GLI3: variants seen among roughly 807,000 people sequenced by gnomAD.
The protein encoded by GLI3 is GLI family zinc finger 3.
GLI3 carries 20 observed loss-of-function variants against 100.8 expected under a neutral mutation model. The ratio of observed to expected loss-of-function variants is 0.20; its 90% CI spans 0.14 to 0.29. GLI3 has a LOEUF of 0.29. Ranked by LOEUF, GLI3 falls within the 10% of genes least tolerant of loss-of-function variation. The pLI is 1.00. For missense variants in GLI3, 2,040 were observed against 2,128.5 expected (o/e 0.96, Z 0.82); for synonymous variants, 938 against 860.5 (o/e 1.09, Z -1.58).
chr7:42,098,273 C>T (rs1166725154), intron 3 of GLI3, among the ~76,000 whole-genome samples: 3 of 152,094 alleles, frequency 2.0e-5, no homozygotes, highest in Non-Finnish European at 4.4e-5. Flanking sequence ...TTGTTTTTAT[C>T]CCCATCTCTC....
chr7:42,045,689 A>G (rs1003046696), intron 5 of GLI3, among the ~76,000 whole-genome samples, 159 bp from the exon 6 acceptor site: 3 of 152,224 alleles, frequency 2.0e-5, no homozygotes, highest in African/African-American at 7.2e-5. Context: ...TCTTACTTCC[A>G]TGAAACATCT....
chr7:42,041,775 A>T (rs1188849314), intron 6 of GLI3, among the ~76,000 whole-genome samples: 2 of 152,234 alleles, frequency 1.3e-5, no homozygotes, highest in African/African-American at 4.8e-5. Flanking sequence ...GGGATAGATA[A>T]ATATGAATGA....
chr7:42,144,355 G>A (rs553799143), intron 3 of GLI3, among the ~76,000 whole-genome samples: 39 of 152,206 alleles, frequency 2.6e-4, no homozygotes, highest in Admixed American at 3.3e-4. Flanking sequence ...TCCTGTAGCT[G>A]AAAGCCTGTC....
At chr7:42,201,874 G>C (rs1471541397) in intron 2 of GLI3, among the ~76,000 whole-genome samples, 1 of 152,094 alleles carries the variant, frequency 6.6e-6, no homozygotes, top group East Asian at 1.9e-4. Flanking sequence ...ACAAGGTCAG[G>C]AGATCAAGAC....
intron 2 of GLI3, among the ~76,000 whole-genome samples, chr7:42,162,783 A>T (rs1787156238): frequency 6.6e-6 from 1 of 152,104 alleles, no homozygotes; most frequent in African/African-American, 2.4e-5. Context: ...GCAGAATATT[A>T]GCAACCACTG....
chr7:42,200,815 A>T (rs959611173), intron 2 of GLI3, among the ~76,000 whole-genome samples: 32 of 151,808 alleles, frequency 2.1e-4, no homozygotes, highest in Non-Finnish European at 3.5e-4. Flanking sequence ...GAAAAAAAAA[A>T]TAGGCATTTA....
chr7:42,259,238 G>A (rs1486996438), intron 1 of GLI3, among the ~76,000 whole-genome samples: 1 of 152,128 alleles, frequency 6.6e-6, no homozygotes, highest in African/African-American at 2.4e-5. Flanking sequence ...CCATTTTTGT[G>A]TCTGTGAAGT....
intron 9 of GLI3, among the ~76,000 whole-genome samples, chr7:42,023,974 C>A (rs1477249200): frequency 6.6e-6 from 1 of 152,022 alleles, no homozygotes; most frequent in East Asian, 1.9e-4. Flanking sequence ...GAGAATAAAT[C>A]AAATCAGGTC....
At chr7:42,009,480 C>CTTTTT (rs3030324) in intron 10 of GLI3, among the ~76,000 whole-genome samples, 22 of 118,376 alleles carry the variant, frequency 1.9e-4, no homozygotes, top group South Asian at 2.8e-4. Context: ...GCAAATTGTT[C>CTTTTT]TTTTTTTTTT....
chr7:42,255,529 A>G (rs1179757001), intron 1 of GLI3, among the ~76,000 whole-genome samples: 6 of 152,148 alleles, frequency 3.9e-5, no homozygotes, highest in African/African-American at 1.4e-4. Context: ...TTTCTATCCA[A>G]GTTTGCCTTT....
At chr7:42,170,151 C>G (rs1357108622) in intron 2 of GLI3, among the ~76,000 whole-genome samples, 1 of 150,110 alleles carries the variant, frequency 6.7e-6, no homozygotes, top group Non-Finnish European at 1.5e-5. Flanking sequence ...ACTCAGGAGG[C>G]TGAGGCACGA....
chr7:42,018,820 C>A (rs1280411702), intron 10 of GLI3, among the ~76,000 whole-genome samples: 2 of 152,130 alleles, frequency 1.3e-5, no homozygotes, highest in African/African-American at 4.8e-5. Flanking sequence ...CAATGCTTCA[C>A]GGAGACAAAT....
chr7:42,196,514 C>T (rs1306601555), intron 2 of GLI3, among the ~76,000 whole-genome samples: 1 of 152,176 alleles, frequency 6.6e-6, no homozygotes, highest in African/African-American at 2.4e-5. Context: ...AAATATATTA[C>T]ACAAAAGCAT....
intron 2 of GLI3, among the ~76,000 whole-genome samples, chr7:42,192,187 CTG>C (rs1186719012): frequency 6.6e-6 from 1 of 152,028 alleles, no homozygotes; most frequent in Non-Finnish European, 1.5e-5. Context: ...TTTGTTGATG[CTG>C]TGTTTTGCTT....
At chr7:42,059,246 CT>C (rs1252434369) in intron 4 of GLI3, among the ~76,000 whole-genome samples, 1 of 151,894 alleles carries the variant, frequency 6.6e-6, no homozygotes, top group Admixed American at 6.6e-5. Flanking sequence ...TTTTAGCAGA[CT>C]TTTTTGTCCT....
chr7:42,083,117 T>G (rs777829580), intron 3 of GLI3, among the ~76,000 whole-genome samples: 37 of 152,236 alleles, frequency 2.4e-4, no homozygotes, highest in Non-Finnish European at 5.4e-4. Flanking sequence ...CACCATGCTG[T>G]GCTAACAAAC....
chr7:42,023,604 T>A lies in GLI3; in HGVS notation c.1361A>T (p.Gln454Leu), dbSNP rs765020464. The change falls in exon 10 of 15, where the codon CAG (glutamine) becomes CTG (leucine). Residue 454 changes from glutamine (Q) to leucine (L), a missense_variant. Physicochemically the swap from Gln to Leu is moderately radical, Grantham distance 113. Transcript: ENST00000395925. ...CTTGACAAGGGTTGTTCCTTCGGGC[T>A]GTTCCTGAAAGAAGAGGGTGGGGGG... ...PSPGARGQQE[Q>L]PEGTTLVKEE... The A allele has an allele frequency of 2.5e-6, 4 of 1,610,844 alleles. No homozygotes were observed. The highest frequency in any genetic ancestry group is 3.4e-6 in the Non-Finnish European group (4 of 1,178,696).
intron 10 of GLI3, among the ~76,000 whole-genome samples, chr7:41,981,386 C>G (rs1423826544): frequency 6.6e-6 from 1 of 152,212 alleles, no homozygotes; most frequent in Non-Finnish European, 1.5e-5. Flanking sequence ...AACTCACATA[C>G]ACCCCAGGGG....
chr7:42,158,852 G>A (rs1787065719), intron 2 of GLI3, among the ~76,000 whole-genome samples: 1 of 152,174 alleles, frequency 6.6e-6, no homozygotes, highest in African/African-American at 2.4e-5. Context: ...CCGTCAGGAA[G>A]AATACTACAG....
Sources: gnomAD v4.1 joint callset for allele counts (sites outside exome capture counted in the v4.1 genomes callset) on GRCh38, gnomAD v4.1.1 for gene constraint, MANE v1.5 for transcripts, NCBI Gene and HGNC (gene_info 2026-07-23, HGNC 2026-07-21) for gene names.